Variants in ABLIM2 observed in about 807,000 individuals in gnomAD.
The protein encoded by ABLIM2 is actin-binding LIM protein 2.
ABLIM2 carries 53 observed loss-of-function variants against 97.7 expected under a neutral mutation model. The observed-to-expected ratio is 0.54, with a 90% CI of 0.44 to 0.68. The LOEUF is 0.68. ABLIM2 is among the 30% of genes least tolerant of loss of function. The probability of loss-of-function intolerance (pLI) is 0.00; values close to 1 mark genes in which losing one functional copy is unlikely to be tolerated. For synonymous variants in ABLIM2, 361 were observed against 345.8 expected (o/e 1.04, Z -0.49); for missense variants, 835 against 867.2 (o/e 0.96, Z 0.47).
chr4:7,987,408 C>T (rs532841649), intron 17 of ABLIM2, among the ~76,000 whole-genome samples: 2 of 152,326 alleles, frequency 1.3e-5, no homozygotes, highest in Admixed American at 1.3e-4. Flanking sequence ...CAGGTGTGAG[C>T]CACCATGTCC....
chr4:7,974,811 C>T lies in ABLIM2; in HGVS notation c.1825-7708G>A, dbSNP rs117731677. Among the ~76,000 whole-genome samples the T allele has an allele frequency of 1.3e-3, 204 of 152,362 alleles. 3 individuals are homozygous for T. In the East Asian group the frequency reaches 0.033, roughly 24 times the overall value. On this transcript the variant is annotated intron_variant, in intron 20 of 20. Transcript: ENST00000447017. ...CATCCCTCCATTCATCCACCACCAT[C>T]CATCCACCTAATGGTTCTGTTTCTC...
intron 1 of ABLIM2, among the ~76,000 whole-genome samples, chr4:8,134,937 T>C (rs1043858156): frequency 6.6e-6 from 1 of 152,238 alleles, no homozygotes; most frequent in African/African-American, 2.4e-5. Flanking sequence ...CAAGGTGTGC[T>C]AAAATCTGAA....
In ABLIM2 at chr4:7,996,162, A is replaced by T. The variant is rs147024626; in HGVS notation, c.1619-3235T>A. Among the ~76,000 whole-genome samples, 214 of 152,254 alleles carry T rather than the reference A, an allele frequency of 1.4e-3. No homozygotes were observed. Among genetic ancestry groups the T allele is most frequent in the African/African-American group, 4.7e-3 (196 of 41,548 alleles). The stretch of plus-strand genomic sequence containing the variant: ...CTGGCATCCCCAGCTAGCAGCCCCA[A>T]CCTTGCCAGGGAACTCGTCAGAAAT... On this transcript the variant is annotated intron_variant, in intron 16 of 20. Transcript: ENST00000447017. The surrounding 1 kb of genome is among the most constrained non-coding windows in gnomAD (Gnocchi z 4.5).
Position 8,158,766 on chromosome 4 carries a change from G to C in ABLIM2, c.-77C>G. On this transcript the variant is annotated 5_prime_UTR_variant, in exon 1 of 21. Coordinates refer to ENST00000447017, the MANE Select transcript of ABLIM2 (RefSeq NM_001130083.2). ...TCGGGCCCGCAGGTGCCGCGCCCGC[G>C]CTATCCTCCGCCCGCCCGCCGGCTC... The C allele has an allele frequency of 8.0e-7, 1 of 1,252,606 alleles. No individual in the cohort carries two copies. Among genetic ancestry groups the C allele is most frequent in the African/African-American group, 1.6e-5 (1 of 63,836 alleles). 77.6% of individuals were successfully genotyped at this position (1,252,606 alleles called of 1,614,324 possible).
intron 12 of ABLIM2, among the ~76,000 whole-genome samples, chr4:8,027,202 G>A (rs188982514): frequency 1.8e-4 from 27 of 152,310 alleles, no homozygotes; most frequent in African/African-American, 6.3e-4. Flanking sequence ...CAGCATACAG[G>A]AAAACATGAG....
In ABLIM2 at chr4:8,092,436, T is replaced by G. The variant is rs567694305; in HGVS notation, c.339-4152A>C. On this transcript the variant is annotated intron_variant, in intron 3 of 20. Coordinates refer to ENST00000447017, the MANE Select transcript of ABLIM2 (RefSeq NM_001130083.2). The stretch of plus-strand genomic sequence containing the variant: ...CCTTTTGTTTCCAGAGAACTGTAGT[T>G]TCACAACCCCATGTCACATGTAAAA... Among the ~76,000 whole-genome samples, 5 of 152,298 alleles carry G rather than the reference T, an allele frequency of 3.3e-5. No individual in the cohort carries two copies. In the East Asian group the frequency reaches 7.7e-4, roughly 24 times the overall value.
chr4:7,999,109 G>A lies in ABLIM2; in HGVS notation c.1619-6182C>T, dbSNP rs1449407088. 3.9e-5 allele frequency among the ~76,000 whole-genome samples: 6 copies of A among 152,020 alleles called. No individual in the cohort carries two copies. Among genetic ancestry groups the A allele is most frequent in the South Asian group, 2.1e-4 (1 of 4,810 alleles). ...AGACGGAGTTTTGTTCTTGTTCCCC[G>A]GGCTGGAGTACAATGGCGTGATCTT... is the stretch of plus-strand genomic sequence containing the variant. On this transcript the variant is annotated intron_variant, in intron 16 of 20. Coordinates refer to ENST00000447017, the MANE Select transcript of ABLIM2 (RefSeq NM_001130083.2). The surrounding 1 kb of genome is among the most constrained non-coding windows in gnomAD (Gnocchi z 4.4).
Position 8,128,146 on chromosome 4 carries a change from G to A in ABLIM2, c.11-21509C>T, listed in dbSNP as rs1299128745. On this transcript the variant is annotated intron_variant, in intron 1 of 20. Transcript: ENST00000447017. This position sits in a 1 kb window ranked among gnomAD's most constrained non-coding sequence, Gnocchi z 4.9. ...GCGCCCTTTGGTATGTGGCTTCAGG[G>A]CTCCTGTTTCTGCCCCCACCTTCAC... Among the ~76,000 whole-genome samples the A allele has an allele frequency of 6.6e-6, 1 of 152,164 alleles. No individual in the cohort carries two copies. The highest frequency in any genetic ancestry group is 2.4e-5 in the African/African-American group (1 of 41,444).
intron 8 of ABLIM2, among the ~76,000 whole-genome samples, chr4:8,045,449 G>A (rs891985906): frequency 6.6e-6 from 1 of 152,214 alleles, no homozygotes; most frequent in Non-Finnish European, 1.5e-5. Flanking sequence ...AGGAGTTCGA[G>A]ATCAGTCTGA....
intron 7 of ABLIM2, among the ~76,000 whole-genome samples, chr4:8,057,393 T>C (rs1799987448): frequency 6.6e-6 from 1 of 152,214 alleles, no homozygotes; most frequent in Non-Finnish European, 1.5e-5. Context: ...GCCTCCTCTT[T>C]TGATCTTTCT....
Position 8,029,827 on chromosome 4 carries a change from C to CTTGT in ABLIM2, c.1048-52_1048-51insACAA. 2.6e-6 allele frequency: 4 copies of CTTGT among 1,539,340 alleles called. No individual in the cohort carries two copies. In the Admixed American group the frequency reaches 5.9e-5, roughly 23 times the overall value. ...ACACTGGAGCCGGGAGCACTTCCCA[C>CTTGT]CCCTTGTCCACCCATCCCCCGACAC... On this transcript the variant is annotated intron_variant, in intron 10 of 20. Coordinates refer to ENST00000447017, the MANE Select transcript of ABLIM2 (RefSeq NM_001130083.2).
intron 9 of ABLIM2, 29 bp downstream of exon 9, chr4:8,045,135 G>T: frequency 1.2e-6 from 2 of 1,602,084 alleles, no homozygotes; most frequent in Non-Finnish European, 1.7e-6. Flanking sequence ...CCCTCCCACC[G>T]CCGTCCCCAT....
Position 8,071,693 on chromosome 4 carries a change from A to AGCCCC in ABLIM2, c.675+5934_675+5935insGGGGC. 6 of 819,832 alleles carry AGCCCC rather than the reference A, an allele frequency of 7.3e-6. No individual in the cohort carries two copies. Among genetic ancestry groups the AGCCCC allele is most frequent in the South Asian group, 5.6e-5 (1 of 17,998 alleles). The allele number at this position is 819,832 out of a possible 1,614,324, so 50.8% of individuals were successfully genotyped here. On this transcript the variant is annotated intron_variant, in intron 6 of 20. Transcript: ENST00000447017. This position sits in a 1 kb window ranked among gnomAD's most constrained non-coding sequence, Gnocchi z 6.2. ...ACACCTGACTGCTCTGTCCCCAAAA[A>AGCCCC]CCCACCCACCCGCAGCCCCTCCTGG... is the stretch of plus-strand genomic sequence containing the variant.
intron 1 of ABLIM2, among the ~76,000 whole-genome samples, chr4:8,154,259 G>A (rs1406262832): frequency 6.9e-6 from 1 of 144,130 alleles, no homozygotes. Flanking sequence ...ACCGCACCCA[G>A]CCACTTATTT....
At chr4:7,967,391 C>T (rs1723748388) in intron 20 of ABLIM2, among the ~76,000 whole-genome samples, 1 of 152,228 alleles carries the variant, frequency 6.6e-6, no homozygotes, top group South Asian at 2.1e-4. Flanking sequence ...GGACCAAGTT[C>T]ATTAACATGT....
intron 1 of ABLIM2, among the ~76,000 whole-genome samples, chr4:8,106,981 C>G (rs1837772818): frequency 6.6e-6 from 1 of 152,226 alleles, no homozygotes; most frequent in Non-Finnish European, 1.5e-5. Context: ...GAAGATGGCC[C>G]AACCACTGCT....
chr4:8,129,378 C>T (rs1402983015), intron 1 of ABLIM2, among the ~76,000 whole-genome samples: 2 of 152,226 alleles, frequency 1.3e-5, no homozygotes, highest in Admixed American at 6.5e-5. Flanking sequence ...CTCCAGCTTG[C>T]GCGGCCCCTG....
chr4:7,966,877 C>CCCCCCGGAA lies in ABLIM2; in HGVS notation c.*112_*113insTTCCGGGGG. 1 of 338,848 alleles carries CCCCCCGGAA rather than the reference C, an allele frequency of 3.0e-6. No individual in the cohort carries two copies. 21.0% of individuals were successfully genotyped at this position (338,848 alleles called of 1,614,324 possible). ...TGCTGGGGGACCCCCTCCCGCCCACCCCATGGACACAGAGAAGCCAGAGCA... is the reference window on the plus strand; with the variant it reads ...TGCTGGGGGACCCCCTCCCGCCCACCCCCCCGGAACCATGGACACAGAGAAGCCAGAGCA... On this transcript the variant is annotated 3_prime_UTR_variant, in exon 21 of 21. Coordinates refer to ENST00000447017, the MANE Select transcript of ABLIM2 (RefSeq NM_001130083.2).
At chr4:8,073,034 C>G (rs952764353) in intron 6 of ABLIM2, among the ~76,000 whole-genome samples, 1 of 152,022 alleles carries the variant, frequency 6.6e-6, no homozygotes, top group African/African-American at 2.4e-5. Context: ...GAGGCTGAGT[C>G]TCTGCAGTGG....
Sources: allele counts gnomAD v4.1 joint callset (sites outside exome capture counted in the v4.1 genomes callset), GRCh38; gene constraint gnomAD v4.1.1; non-coding constraint Gnocchi (gnomAD v3.1); transcripts MANE v1.5; gene names NCBI Gene and HGNC (gene_info 2026-07-23, HGNC 2026-07-21).